The following MTMR8 variants were observed in gnomAD, a reference collection of about 807,000 sequenced individuals.
MTMR8 encodes phosphatidylinositol-3,5-bisphosphate 3-phosphatase MTMR8.
In MTMR8, 65 loss-of-function variants were observed where a neutral mutation model predicts 39.3. The observed-to-expected ratio is 1.65, with a 90% CI of 1.35 to 2.03. The LOEUF (loss-of-function observed/expected upper bound fraction) is 2.03, where lower values mean the gene tolerates loss of function less well. Ranked by LOEUF, MTMR8 falls within the 30% of genes most tolerant of loss-of-function variation. MTMR8 has a pLI of 0.00. For missense variants in MTMR8, 777 were observed against 538.9 expected (o/e 1.44, Z -4.37); for synonymous variants, 245 against 185.2 (o/e 1.32, Z -2.62).
chrX:64,312,841 T>C (rs1922354684), intron 12 of MTMR8, among the ~76,000 whole-genome samples: 1 of 112,562 alleles, frequency 8.9e-6, no homozygotes, highest in South Asian at 3.6e-4. Flanking sequence ...CCTAGATTAC[T>C]TGGTGTACTG....
chrX:64,369,293 T>C (rs62611785), intron 1 of MTMR8, among the ~76,000 whole-genome samples: 1,885 of 111,885 alleles, frequency 0.017, 16 homozygotes, highest in Non-Finnish European at 0.025. Context: ...TAAATCATGC[T>C]ACTATAAAGA....
chrX:64,286,903 C>A lies in MTMR8; in HGVS notation c.1482-15830G>T, dbSNP rs1053826760. Among the ~76,000 whole-genome samples the A allele has an allele frequency of 1.1e-3, 120 of 111,357 alleles. No individual in the cohort carries two copies. In the East Asian group the frequency reaches 0.02, roughly 18 times the overall value. On this transcript the variant is annotated intron_variant, in intron 12 of 13. Coordinates refer to ENST00000374852, the MANE Select transcript of MTMR8 (RefSeq NM_017677.4). ...AAGCATTCCCTTTGAAAACTGGCAA[C>A]AGACAGGGATGCCCTCTCTCACCAC...
chrX:64,296,693 T>G (rs1329753549), intron 12 of MTMR8, among the ~76,000 whole-genome samples: 1 of 107,746 alleles, frequency 9.3e-6, no homozygotes, highest in East Asian at 3.0e-4. Flanking sequence ...ACTCGTCATC[T>G]AGCATTAGGT....
chrX:64,316,112 T>C (rs1242446027), intron 12 of MTMR8, among the ~76,000 whole-genome samples: 1 of 111,908 alleles, frequency 8.9e-6, no homozygotes, highest in Non-Finnish European at 1.9e-5. Flanking sequence ...GCGTTATAAT[T>C]TTTGCTTCCA....
At chrX:64,287,325 A>G (rs1300303096) in intron 12 of MTMR8, among the ~76,000 whole-genome samples, 1 of 111,751 alleles carries the variant, frequency 8.9e-6, no homozygotes, top group Admixed American at 9.5e-5. Context: ...GGATACAAAC[A>G]AATGGAAGAA....
chrX:64,279,078 T>C (rs1458611321), intron 12 of MTMR8, among the ~76,000 whole-genome samples: 1 of 111,784 alleles, frequency 8.9e-6, no homozygotes, highest in Non-Finnish European at 1.9e-5. Flanking sequence ...AGTCTGCCCC[T>C]TAGCAGAGCT....
Position 64,268,471 on chromosome X carries a change from C to T in MTMR8, c.*66G>A, listed in dbSNP as rs890104602. Reference sequence around the variant, plus strand: ...AAACCAATTGGAAAAGCAGCATAGCCCTCTCTGGGACAAGAATCATTGTAG... The same window carrying T: ...AAACCAATTGGAAAAGCAGCATAGCTCTCTCTGGGACAAGAATCATTGTAG... On this transcript the variant is annotated 3_prime_UTR_variant, in exon 14 of 14. Transcript: ENST00000374852. The T allele has an allele frequency of 2.4e-5, 27 of 1,136,536 alleles. No individual in the cohort carries two copies. The highest frequency in any genetic ancestry group is 3.2e-5 in the Non-Finnish European group (27 of 855,477). The allele number at this position is 1,136,536 out of a possible 1,213,427, so 93.7% of individuals were successfully genotyped here.
chrX:64,341,790 C>A (rs1923225643), intron 8 of MTMR8, among the ~76,000 whole-genome samples: 1 of 111,864 alleles, frequency 8.9e-6, no homozygotes, highest in Non-Finnish European at 1.9e-5. Context: ...GACTGAAGGA[C>A]ATAAACATTA....
intron 1 of MTMR8, among the ~76,000 whole-genome samples, chrX:64,364,404 AGCAATATTTGCTGCTCT>A (rs1266040647): frequency 4.5e-5 from 5 of 111,991 alleles, no homozygotes; most frequent in African/African-American, 1.3e-4. Context: ...AGGATCAGGC[AGCAATATTTGCTGCTCT>A]GCAATATTTG....
chrX:64,344,571 G>A (rs1171406282), intron 7 of MTMR8, among the ~76,000 whole-genome samples: 2 of 111,019 alleles, frequency 1.8e-5, no homozygotes, highest in Non-Finnish European at 3.8e-5. Context: ...TTTTGTAGTC[G>A]ATAACAGATC....
intron 13 of MTMR8, among the ~76,000 whole-genome samples, chrX:64,270,731 T>A (rs1447207617): frequency 8.9e-6 from 1 of 111,943 alleles, no homozygotes; most frequent in Middle Eastern, 4.2e-3. Context: ...AGGGAACAAA[T>A]TCACTTGTTT....
chrX:64,285,657 C>G (rs1921139999), intron 12 of MTMR8, among the ~76,000 whole-genome samples: 1 of 111,932 alleles, frequency 8.9e-6, no homozygotes, highest in African/African-American at 3.3e-5. Flanking sequence ...AACTAGAACT[C>G]AGGATTAAGA....
chrX:64,352,364 C>T (rs768558284), intron 4 of MTMR8, among the ~76,000 whole-genome samples: 5 of 111,270 alleles, frequency 4.5e-5, no homozygotes, highest in Admixed American at 1.9e-4. Flanking sequence ...GATCCTTTCA[C>T]GGTAATAAAT....
intron 12 of MTMR8, among the ~76,000 whole-genome samples, chrX:64,303,553 A>T (rs1399893359): frequency 8.9e-6 from 1 of 112,464 alleles, no homozygotes; most frequent in East Asian, 2.8e-4. Context: ...GGTTCACACA[A>T]TACTTGTGCT....
chrX:64,329,201 G>A (rs1922880032), intron 11 of MTMR8, among the ~76,000 whole-genome samples: 1 of 111,398 alleles, frequency 9.0e-6, no homozygotes, highest in East Asian at 2.8e-4. Flanking sequence ...AGAAAATCCC[G>A]AGTTTTTTTC....
chrX:64,329,085 T>C (rs986742512), intron 11 of MTMR8, among the ~76,000 whole-genome samples, 185 bp from the exon 12 acceptor site: 1 of 111,757 alleles, frequency 8.9e-6, no homozygotes, highest in Non-Finnish European at 1.9e-5. Context: ...TTATCTGGGC[T>C]TCAATTTATC....
At position 64,364,832 on chromosome X, in the gene MTMR8, C is replaced by T. The variant is rs756561062; in HGVS notation, c.25-5305G>A. Among the ~76,000 whole-genome samples, 14 of 111,430 alleles carry T rather than the reference C, an allele frequency of 1.3e-4. No homozygotes were observed. The South Asian group carries it at 3.1e-3, about 24-fold the overall frequency. On this transcript the variant is annotated intron_variant, in intron 1 of 13. Transcript: ENST00000374852. Reference sequence around the variant, plus strand: ...CTTCTACGAGCTAAAGAAGGATGTTCGAACCCATCGCAAGAAAGCTAAAAA... The same window carrying T: ...CTTCTACGAGCTAAAGAAGGATGTTTGAACCCATCGCAAGAAAGCTAAAAA...
intron 12 of MTMR8, among the ~76,000 whole-genome samples, chrX:64,282,275 G>A (rs1231937551): frequency 9.0e-6 from 1 of 111,282 alleles, no homozygotes; most frequent in Non-Finnish European, 1.9e-5. Flanking sequence ...GCACACATAT[G>A]TTTATTGCAG....
At position 64,378,487 on chromosome X, in the gene MTMR8, C is replaced by T. The variant is rs781134345; in HGVS notation, c.24+16853G>A. Among the ~76,000 whole-genome samples, 211 of 112,296 alleles carry T rather than the reference C, an allele frequency of 1.9e-3. 3 individuals are homozygous for T. Among genetic ancestry groups the T allele is most frequent in the Middle Eastern group, 0.014 (3 of 218 alleles). On this transcript the variant is annotated intron_variant, in intron 1 of 13. Coordinates refer to ENST00000374852, the MANE Select transcript of MTMR8 (RefSeq NM_017677.4). ...CCTCCTGCCTTGGCCTCCCAAAATG[C>T]TAGGGTCTCAGGCATGAGCCACTGT...
Sources: allele counts gnomAD v4.1 joint callset (sites outside exome capture counted in the v4.1 genomes callset), GRCh38; gene constraint gnomAD v4.1.1; transcripts MANE v1.5; gene names NCBI Gene and HGNC (gene_info 2026-07-23, HGNC 2026-07-21).